Variants in MXD3 observed in about 807,000 individuals in gnomAD.
MXD3 encodes the protein Max-associated protein 3.
Under a neutral mutation model 27.5 loss-of-function variants are expected in MXD3, and 20 were observed. The observed-to-expected ratio is 0.73, with a 90% CI of 0.51 to 1.06. MXD3 has a LOEUF of 1.06. Ranked by LOEUF, MXD3 falls within the 50% of genes least tolerant of loss-of-function variation. MXD3 has a pLI of 0.00. For missense variants in MXD3, 298 were observed against 291.3 expected (o/e 1.02, Z -0.17); for synonymous variants, 150 against 130.7 (o/e 1.15, Z -1.01).
Position 177,311,847 on chromosome 5 carries a change from G to A in MXD3, c.-17C>T, listed in dbSNP as rs376489210. The stretch of plus-strand genomic sequence containing the variant: ...GGGTTCCATGTCGGCGACAGCTGGC[G>A]GCGGGCCGGCCTAGGGTGCCGGCCG... On this transcript the variant is annotated 5_prime_UTR_variant, in exon 1 of 6. Coordinates refer to ENST00000439742, the MANE Select transcript of MXD3 (RefSeq NM_031300.4). 5.5e-4 allele frequency: 882 copies of A among 1,609,402 alleles called. 2 individuals carry two copies. Among genetic ancestry groups the A allele is most frequent in the South Asian group, 1.2e-3 (106 of 90,518 alleles).
Position 177,307,300 on chromosome 5 carries a change from CT to C in MXD3, c.*287del. On this transcript the variant is annotated 3_prime_UTR_variant, in exon 6 of 6. Coordinates refer to ENST00000439742, the MANE Select transcript of MXD3 (RefSeq NM_031300.4). ...CCAGGAAGGGAAGAGGCCCAAGAGGCTTCCTGTCCCCTTGGGGGCAGCAGAG... is the reference window on the plus strand; with the variant it reads ...CCAGGAAGGGAAGAGGCCCAAGAGGCTCCTGTCCCCTTGGGGGCAGCAGAG... 1 of 1,548,348 alleles carries C rather than the reference CT, an allele frequency of 6.5e-7. No homozygotes were observed. The highest frequency in any genetic ancestry group is 1.2e-5 in the South Asian group (1 of 83,904).
In MXD3 at chr5:177,307,844, G is replaced by A. The variant is rs373557433; in HGVS notation, c.442C>T (p.Arg148Trp). ...RGLAGAAERE[R>W]LRADSLDSSG... ...GAGTCCAGACTGTCCGCCCGCAGCC[G>A]CTCCCGCTCGGCCGCCCCTGCCAGC... Residue 148 changes from arginine (R) to tryptophan (W), a missense_variant, in exon 5 of 6, where the codon CGG becomes TGG. Coordinates refer to ENST00000439742, the MANE Select transcript of MXD3 (RefSeq NM_031300.4). 16 of 1,610,680 alleles carry A rather than the reference G, an allele frequency of 9.9e-6. No individual in the cohort carries two copies. Among genetic ancestry groups the A allele is most frequent in the East Asian group, 2.2e-5 (1 of 44,838 alleles).
chr5:177,306,450 G>A, downstream of MXD3: 1 of 1,614,068 alleles, frequency 6.2e-7, no homozygotes, highest in Non-Finnish European at 8.5e-7. Context: ...CACTTGTTGA[G>A]ACAGCCAAGG....
chr5:177,312,294 G>T (rs1361922833), upstream of MXD3: 4 of 986,576 alleles, frequency 4.1e-6, no homozygotes, highest in Admixed American at 2.4e-4. Flanking sequence ...TGCCGCGGGG[G>T]CGGGGCCTCC....
intron 1 of MXD3, 102 bp from the exon 2 acceptor site, chr5:177,311,586 C>T: frequency 8.5e-7 from 1 of 1,175,700 alleles, no homozygotes; most frequent in South Asian, 1.6e-5. Context: ...GGCGCCAGGA[C>T]CATTTCCCCC....
downstream of MXD3, chr5:177,306,536 C>T (rs749656878): frequency 1.2e-6 from 2 of 1,612,164 alleles, no homozygotes; most frequent in Middle Eastern, 3.3e-4. Flanking sequence ...AAGGCGGCCA[C>T]CAAGAAGCAG....
At chr5:177,306,233 G>A (rs879123307), downstream of MXD3, 12 of 1,584,276 alleles carry the variant, frequency 7.6e-6, no homozygotes, top group Admixed American at 1.8e-4. Context: ...CAGCCTAGCG[G>A]GCGTGGAGTC....
chr5:177,306,424 G>A (rs758980479), downstream of MXD3: 34 of 1,613,780 alleles, frequency 2.1e-5, 1 homozygote, highest in South Asian at 1.1e-5. Flanking sequence ...CGCGACAGGC[G>A]AGGCCCCTTC....
At chr5:177,312,482 T>TG (rs1761061924), upstream of MXD3, 2 of 985,252 alleles carry the variant, frequency 2.0e-6, no homozygotes, top group South Asian at 4.7e-5. Context: ...ACCCAAGCGA[T>TG]GGGGCGGGGT....
chr5:177,310,931 A>C, intron 2 of MXD3: 1 of 598,866 alleles, frequency 1.7e-6, no homozygotes. Flanking sequence ...GGGCCCTAAC[A>C]AGGGCGCCTG....
Position 177,307,279 on chromosome 5 carries a change from G to A in MXD3, c.*309C>T. ...GGCAAAGGCAGGGGGCCTTGTCCAG[G>A]AAGGGAAGAGGCCCAAGAGGCTTCC... is the stretch of plus-strand genomic sequence containing the variant. On this transcript the variant is annotated 3_prime_UTR_variant, in exon 6 of 6. Coordinates refer to ENST00000439742, the MANE Select transcript of MXD3 (RefSeq NM_031300.4). The A allele has an allele frequency of 6.4e-7, 1 of 1,551,348 alleles. No individual in the cohort carries two copies. The highest frequency in any genetic ancestry group is 1.4e-5 in the African/African-American group (1 of 73,174).
Position 177,311,387 on chromosome 5 carries a change from G to A in MXD3, c.168C>T (p.Asp56=). ...GCCCCCGGCCTCCTCACCGCCCGCT[G>A]TCCTGCGCGCCAGGAGCCTGGGGGG... ...KRPPQAPGAQ[D]SGRSVHNELE... Residue 56 remains aspartate, a synonymous_variant, in exon 2 of 6, where the codon GAC becomes GAT. Transcript: ENST00000439742. The A allele has an allele frequency of 6.9e-7, 1 of 1,439,380 alleles. No individual in the cohort carries two copies. The highest frequency in any genetic ancestry group is 1.5e-5 in the South Asian group (1 of 66,246). The allele number at this position is 1,439,380 out of a possible 1,614,324, so 89.2% of individuals were successfully genotyped here.
At chr5:177,311,707 A>G (rs376089728) in intron 1 of MXD3, 54 bp downstream of exon 1, 2 of 1,568,404 alleles carry the variant, frequency 1.3e-6, no homozygotes, top group African/African-American at 2.7e-5. Flanking sequence ...GGTCCAGTCC[A>G]GGCCCGTGTC....
chr5:177,311,299 G>A (rs1294477554), intron 2 of MXD3, 80 bp downstream of exon 2: 4 of 970,168 alleles, frequency 4.1e-6, no homozygotes, highest in Admixed American at 3.8e-5. Flanking sequence ...AAAGATGCAA[G>A]CAACAAGTGG....
At chr5:177,306,194 T>C (rs1355337043), downstream of MXD3, 2 of 1,603,496 alleles carry the variant, frequency 1.2e-6, no homozygotes, top group East Asian at 4.5e-5. Flanking sequence ...TCTGGGTATG[T>C]GGATATTCCT....
downstream of MXD3, chr5:177,306,420 A>T (rs1760877154): frequency 1.9e-6 from 3 of 1,614,086 alleles, no homozygotes; most frequent in East Asian, 6.7e-5. Flanking sequence ...CGTTCGCGAC[A>T]GGCGAGGCCC....
At chr5:177,312,612 C>T (rs559106938), upstream of MXD3, 182 of 985,470 alleles carry the variant, frequency 1.8e-4, no homozygotes, top group African/African-American at 2.6e-3. Context: ...CCCCCGTGGG[C>T]CCCAGCTTCC....
Position 177,307,459 on chromosome 5 carries a change from C to T in MXD3, c.*129G>A. On this transcript the variant is annotated 3_prime_UTR_variant, in exon 6 of 6. Coordinates refer to ENST00000439742, the MANE Select transcript of MXD3 (RefSeq NM_031300.4). Reference sequence around the variant, plus strand: ...AGGGTGTTTGGGGAGCACCTGTTCCCACACAAGGGTCCTTTTAGTCCATTC... The same window carrying T: ...AGGGTGTTTGGGGAGCACCTGTTCCTACACAAGGGTCCTTTTAGTCCATTC... 6.5e-7 allele frequency: 1 copy of T among 1,531,770 alleles called. No homozygotes were observed. Among genetic ancestry groups the T allele is most frequent in the Non-Finnish European group, 8.8e-7 (1 of 1,139,170 alleles). 94.9% of individuals were successfully genotyped at this position (1,531,770 alleles called of 1,614,324 possible). A position where few individuals can be genotyped will look rare whatever the true frequency, so the allele number is the denominator to read the frequency against.
At chr5:177,310,276 T>C (rs1188754103) in intron 4 of MXD3, 150 bp downstream of exon 4, 8 of 610,864 alleles carry the variant, frequency 1.3e-5, no homozygotes, top group Non-Finnish European at 2.3e-5. Context: ...ATTTAATGGA[T>C]CTGGAAAGTA....
Sources: gnomAD v4.1 joint callset for allele counts on GRCh38, gnomAD v4.1.1 for gene constraint, MANE v1.5 for transcripts, NCBI Gene and HGNC (gene_info 2026-07-23, HGNC 2026-07-21) for gene names.